The following CHST8 variants were observed in gnomAD, a reference collection of about 807,000 sequenced individuals.
The protein encoded by CHST8 is GALNAC-4-ST1.
In CHST8, 10 loss-of-function variants were observed where a neutral mutation model predicts 15.0. That is an observed-to-expected ratio of 0.67 (90% CI 0.41 to 1.13). CHST8 has a LOEUF of 1.13. CHST8 is among the 50% of genes most tolerant of loss of function. The probability of loss-of-function intolerance (pLI) is 0.00; values close to 1 mark genes in which losing one functional copy is unlikely to be tolerated. For missense variants in CHST8, 634 were observed against 608.2 expected (o/e 1.04, Z -0.45); for synonymous variants, 259 against 256.6 (o/e 1.01, Z -0.09).
intron 1 of CHST8, among the ~76,000 whole-genome samples, chr19:33,644,519 G>A (rs910082550): frequency 2.0e-5 from 3 of 152,056 alleles, no homozygotes; most frequent in African/African-American, 4.8e-5. Context: ...AGGATCCCTC[G>A]AGGCCAGGAG....
chr19:33,632,136 TC>T (rs1972129829), intron 1 of CHST8, among the ~76,000 whole-genome samples: 1 of 133,004 alleles, frequency 7.5e-6, no homozygotes, highest in African/African-American at 2.6e-5. Flanking sequence ...TCTCTCTCTC[TC>T]TCTTTTTTTT....
intron 2 of CHST8, among the ~76,000 whole-genome samples, chr19:33,677,566 C>A (rs1035906761): frequency 6.6e-6 from 1 of 152,320 alleles, no homozygotes; most frequent in East Asian, 1.9e-4. Flanking sequence ...CCTGTTCCTC[C>A]ACCCCAGGGC....
intron 3 of CHST8, among the ~76,000 whole-genome samples, chr19:33,759,644 C>A (rs1184376338): frequency 1.3e-5 from 2 of 152,216 alleles, no homozygotes; most frequent in Non-Finnish European, 2.9e-5. Context: ...ATTCCCTCTC[C>A]TCCAACTGCC....
chr19:33,625,246 C>T lies in CHST8; in HGVS notation c.-164+2950C>T, dbSNP rs187447485. On this transcript the variant is annotated intron_variant, in intron 1 of 4. Transcript: ENST00000650847. ...GATTACAGGCATGCGCCACCACTCC[C>T]GGCTAATTTTGTATTTAGTAGAGAC... Among the ~76,000 whole-genome samples, 942 of 150,274 alleles carry T rather than the reference C, an allele frequency of 6.3e-3. 5 individuals carry two copies. Among genetic ancestry groups the T allele is most frequent in the Non-Finnish European group, 1.0e-2 (668 of 67,134 alleles).
chr19:33,685,865 G>A (rs1972969670), intron 2 of CHST8, among the ~76,000 whole-genome samples: 3 of 152,220 alleles, frequency 2.0e-5, no homozygotes, highest in African/African-American at 4.8e-5. Context: ...CCCCTGGAAT[G>A]CCCGGGGATC....
intron 2 of CHST8, among the ~76,000 whole-genome samples, chr19:33,679,884 C>G (rs865819450): frequency 1.1e-4 from 16 of 152,324 alleles, no homozygotes; most frequent in South Asian, 4.1e-4. Context: ...CTCAACTCCA[C>G]GAGGGGCTGC....
intron 3 of CHST8, among the ~76,000 whole-genome samples, chr19:33,694,109 T>C (rs1599559208): frequency 1.4e-5 from 1 of 73,496 alleles, no homozygotes; most frequent in African/African-American, 4.9e-5. Flanking sequence ...TATATATATA[T>C]ATATATATAT....
At chr19:33,757,490 GAAA>G (rs1974600339) in intron 3 of CHST8, among the ~76,000 whole-genome samples, 1 of 45,798 alleles carries the variant, frequency 2.2e-5, no homozygotes, top group African/African-American at 9.3e-5. Flanking sequence ...AAGAAAGAAA[GAAA>G]GAAAGAAAGA....
chr19:33,699,741 C>G (rs775974003), intron 3 of CHST8, among the ~76,000 whole-genome samples: 8 of 152,156 alleles, frequency 5.3e-5, no homozygotes, highest in African/African-American at 1.9e-4. Context: ...CTTCACTCTG[C>G]GTCCCAGGGT....
chr19:33,773,195 G>A lies in CHST8; in HGVS notation c.*132G>A, dbSNP rs1054830974. ...ACGTGAGGAGCCATCGCTGTGGGAGGCAGCAGGCCCCGGGTGGGGGGCAGA... is the reference window on the plus strand; with the variant it reads ...ACGTGAGGAGCCATCGCTGTGGGAGACAGCAGGCCCCGGGTGGGGGGCAGA... On this transcript the variant is annotated 3_prime_UTR_variant, in exon 5 of 5. Transcript: ENST00000650847. 2 of 1,108,230 alleles carry A rather than the reference G, an allele frequency of 1.8e-6. No individual in the cohort carries two copies. The highest frequency in any genetic ancestry group is 1.6e-5 in the African/African-American group (1 of 63,144). 68.6% of individuals were successfully genotyped at this position (1,108,230 alleles called of 1,614,324 possible).
intron 3 of CHST8, among the ~76,000 whole-genome samples, chr19:33,717,618 G>C (rs1973686666): frequency 1.3e-5 from 2 of 152,142 alleles, no homozygotes; most frequent in Non-Finnish European, 2.9e-5. Context: ...TCTTAGAACT[G>C]TAGTGCCACA....
chr19:33,749,224 G>A (rs774068532), intron 3 of CHST8, among the ~76,000 whole-genome samples: 6 of 152,238 alleles, frequency 3.9e-5, no homozygotes, highest in South Asian at 2.1e-4. Flanking sequence ...GAGCACACCC[G>A]GAGCCAGGGA....
At chr19:33,627,603 C>T (rs1256048656) in intron 1 of CHST8, among the ~76,000 whole-genome samples, 1 of 152,166 alleles carries the variant, frequency 6.6e-6, no homozygotes, top group African/African-American at 2.4e-5. Context: ...TTTCTTGGTG[C>T]TGGTGACTGA....
At chr19:33,717,580 G>T (rs1302953333) in intron 3 of CHST8, among the ~76,000 whole-genome samples, 1 of 152,180 alleles carries the variant, frequency 6.6e-6, no homozygotes, top group Non-Finnish European at 1.5e-5. Context: ...GAATATTCAT[G>T]AAAATTCCTG....
At chr19:33,694,196 A>AATGT (rs1973161064) in intron 3 of CHST8, among the ~76,000 whole-genome samples, 1 of 112,042 alleles carries the variant, frequency 8.9e-6, no homozygotes, top group Non-Finnish European at 1.8e-5. Context: ...ATATATATAT[A>AATGT]TATATATATA....
intron 3 of CHST8, among the ~76,000 whole-genome samples, chr19:33,765,067 T>TAA (rs1974806665): frequency 6.9e-6 from 1 of 144,156 alleles, no homozygotes; most frequent in Non-Finnish European, 1.5e-5. Context: ...TATATATATA[T>TAA]ATATATCAGA....
intron 2 of CHST8, among the ~76,000 whole-genome samples, chr19:33,686,243 T>C (rs943487888): frequency 6.6e-5 from 10 of 152,130 alleles, no homozygotes; most frequent in Non-Finnish European, 1.2e-4. Flanking sequence ...CATGGAGGTG[T>C]GGTCCTGGGT....
chr19:33,742,726 T>G (rs1197237443), intron 3 of CHST8, among the ~76,000 whole-genome samples: 3 of 152,222 alleles, frequency 2.0e-5, no homozygotes, highest in Non-Finnish European at 4.4e-5. Context: ...TATATCGGCT[T>G]GTCGACCACC....
In CHST8 at chr19:33,772,880, G is replaced by A; in HGVS notation, c.1092G>A (p.Ala364=). ...ACTTCTTCCTGAGCCTCATCCGCGC[G>A]CCGCGGAACCTGACCTTCCCCCGGT... ...DANFFLSLIR[A]PRNLTFPRFK... The change falls in exon 5 of 5, where the codon GCG becomes GCA. Residue 364 remains alanine (A), a synonymous_variant. Coordinates refer to ENST00000650847, the MANE Select transcript of CHST8 (RefSeq NM_001127895.2). 1.9e-6 allele frequency: 3 copies of A among 1,613,476 alleles called. No individual in the cohort carries two copies. Among genetic ancestry groups the A allele is most frequent in the Non-Finnish European group, 2.5e-6 (3 of 1,180,022 alleles).
Sources: gnomAD v4.1 joint callset for allele counts (sites outside exome capture counted in the v4.1 genomes callset) on GRCh38, gnomAD v4.1.1 for gene constraint, MANE v1.5 for transcripts, NCBI Gene and HGNC (gene_info 2026-07-23, HGNC 2026-07-21) for gene names.